Variants in CENPE observed in about 807,000 individuals in gnomAD.
CENPE encodes the protein centromere protein E, also known as centromere-associated protein E.
A neutral mutation model predicts 336.1 loss-of-function variants in CENPE; 145 were observed. The ratio of observed to expected loss-of-function variants is 0.43; its 90% CI spans 0.38 to 0.50. CENPE has a LOEUF of 0.50. Among genes scored for constraint, CENPE ranks in the 20% least tolerant of loss-of-function variants. The pLI is 0.00. For synonymous variants in CENPE, 1,013 were observed against 984.8 expected, an observed-to-expected ratio of 1.03 and a Z score of -0.54; for missense variants, 2,719 against 3,023.3, an observed-to-expected ratio of 0.90 and a Z score of 2.36.
intron 45 of CENPE, 115 bp downstream of exon 45, chr4:103,116,460 AGC>A: frequency 1.9e-6 from 1 of 525,252 alleles, no homozygotes; most frequent in East Asian, 3.4e-5. Flanking sequence ...TTAAAAAAAG[AGC>A]TGTAACAATA....
At chr4:103,185,749 C>T (rs1335075443) in intron 9 of CENPE, 61 bp downstream of exon 9, 5 of 1,138,632 alleles carry the variant, frequency 4.4e-6, no homozygotes, top group Admixed American at 4.5e-5. Context: ...CCTGGTAGTA[C>T]TTTTTAAACC....
intron 16 of CENPE, among the ~76,000 whole-genome samples, chr4:103,169,896 A>C (rs1186607417): frequency 1.3e-5 from 2 of 152,220 alleles, no homozygotes; most frequent in East Asian, 3.8e-4. Context: ...ATGCCCCTCA[A>C]TGATAGACTG....
chr4:103,150,487 G>A (rs1163358980), intron 26 of CENPE, among the ~76,000 whole-genome samples: 1 of 152,056 alleles, frequency 6.6e-6, no homozygotes, highest in Non-Finnish European at 1.5e-5. Context: ...GGAGGCTGAA[G>A]TGGGAGGACA....
chr4:103,191,202 C>A (rs563452498), intron 8 of CENPE, among the ~76,000 whole-genome samples: 2 of 152,288 alleles, frequency 1.3e-5, no homozygotes, highest in South Asian at 2.1e-4. Flanking sequence ...GTTGGTGGGA[C>A]TGTAAACTAC....
Position 103,149,370 on chromosome 4 carries a change from A to G in CENPE, c.3435T>C (p.Asn1145=). The G allele has an allele frequency of 6.3e-7, 1 of 1,581,304 alleles. No homozygotes were observed. Among genetic ancestry groups the G allele is most frequent in the South Asian group, 1.2e-5 (1 of 84,616 alleles). The change falls in exon 27 of 49, where the codon AAT becomes AAC. Residue 1145 remains asparagine, a synonymous_variant. Coordinates refer to ENST00000265148, the MANE Select transcript of CENPE (RefSeq NM_001813.3). ...GCATCTCACTCATCTCTTCTTGTAC[A>G]TTAAGAAGTTGTTGCTGTTTTTCTT... ...QLQEKQQQLL[N]VQEEMSEMQK... is the part of the protein sequence containing the mutation.
rs1372500385 is a variant in CENPE at position 103,106,177 on chromosome 4, C to T, written c.*45G>A. 2 of 1,327,280 alleles carry T rather than the reference C, an allele frequency of 1.5e-6. No homozygotes were observed. The highest frequency in any genetic ancestry group is 5.0e-5 in the East Asian group (2 of 40,280). 82.2% of individuals were successfully genotyped at this position (1,327,280 alleles called of 1,614,324 possible). On this transcript the variant is annotated 3_prime_UTR_variant, in exon 49 of 49. Transcript: ENST00000265148. The stretch of plus-strand genomic sequence containing the variant: ...GATAGACACATAAACAAAGTCATTT[C>T]CAAATAAGGAATGCTGGATCTCCAG...
chr4:103,140,778 A>C (rs778251563), intron 36 of CENPE, 36 bp downstream of exon 36: 3 of 1,525,214 alleles, frequency 2.0e-6, no homozygotes, highest in Non-Finnish European at 2.6e-6. Flanking sequence ...CAAATATGTG[A>C]ATATAATGGT....
At position 103,198,336 on chromosome 4, in the gene CENPE, G is replaced by A. The variant is rs1447072513; in HGVS notation, c.-17C>T. 3.2e-6 allele frequency: 5 copies of A among 1,550,952 alleles called. No individual in the cohort carries two copies. The highest frequency in any genetic ancestry group is 4.4e-6 in the Non-Finnish European group (5 of 1,146,700). The stretch of plus-strand genomic sequence containing the variant: ...CTCCGCCATCCTATCAGGCTGAACT[G>A]GTCCCAGGAAAATGGCCAGGACCCT... On this transcript the variant is annotated 5_prime_UTR_variant, in exon 1 of 49. Transcript: ENST00000265148.
At chr4:103,189,964 G>A (rs1578692366) in intron 8 of CENPE, among the ~76,000 whole-genome samples, 2 of 152,152 alleles carry the variant, frequency 1.3e-5, no homozygotes. Context: ...CAAAATCAAT[G>A]TGCAAAAATC....
chr4:103,130,502 T>C (rs185819809), intron 42 of CENPE, among the ~76,000 whole-genome samples: 125 of 152,116 alleles, frequency 8.2e-4, no homozygotes, highest in African/African-American at 2.8e-3. Context: ...CAAACTCTTA[T>C]AAAAAAATAA....
Position 103,139,776 on chromosome 4 carries a change from A to G in CENPE, c.6204+13T>C, listed in dbSNP as rs1752378955. 1 of 1,587,012 alleles carries G rather than the reference A, an allele frequency of 6.3e-7. No homozygotes were observed. The highest frequency in any genetic ancestry group is 8.6e-7 in the Non-Finnish European group (1 of 1,169,184). Reference sequence around the variant, plus strand: ...ATTAATAGTTACTACACAAAGGAAGACTCTGAACTCACTCTAGCTATCATT... The same window carrying G: ...ATTAATAGTTACTACACAAAGGAAGGCTCTGAACTCACTCTAGCTATCATT... On this transcript the variant is annotated intron_variant, in intron 38 of 48. Coordinates refer to ENST00000265148, the MANE Select transcript of CENPE (RefSeq NM_001813.3).
chr4:103,172,901 T>G (rs932070246), intron 16 of CENPE, among the ~76,000 whole-genome samples: 1 of 151,978 alleles, frequency 6.6e-6, no homozygotes, highest in Non-Finnish European at 1.5e-5. Context: ...GTTCATGGAT[T>G]GGAAGAATAT....
At chr4:103,166,467 C>A (rs1333029044) in intron 16 of CENPE, among the ~76,000 whole-genome samples, 1 of 152,160 alleles carries the variant, frequency 6.6e-6, no homozygotes, top group Non-Finnish European at 1.5e-5. Context: ...CATTAACATG[C>A]ATTTTAAAAC....
At position 103,108,339 on chromosome 4, in the gene CENPE, T is replaced by C. The variant is rs144936993; in HGVS notation, c.8011+464A>G. Reference sequence around the variant, plus strand: ...GATCATGTCTGGTTTTGCTTATCAATGTGCCACCAGGATCTAATCCTTAAC... The same window carrying C: ...GATCATGTCTGGTTTTGCTTATCAACGTGCCACCAGGATCTAATCCTTAAC... On this transcript the variant is annotated intron_variant, in intron 48 of 48. Coordinates refer to ENST00000265148, the MANE Select transcript of CENPE (RefSeq NM_001813.3). 3.4e-3 allele frequency among the ~76,000 whole-genome samples: 523 copies of C among 152,258 alleles called. 3 individuals are homozygous for C. The highest frequency in any genetic ancestry group is 0.011 in the African/African-American group (454 of 41,546).
chr4:103,142,723 G>A (rs1752669256), intron 34 of CENPE, among the ~76,000 whole-genome samples: 1 of 152,050 alleles, frequency 6.6e-6, no homozygotes, highest in Non-Finnish European at 1.5e-5. Context: ...ACTTTAAGAA[G>A]TTGAGGCTGG....
In CENPE at chr4:103,145,287, A is replaced by T; in HGVS notation, c.4620T>A (p.Ile1540=). The change falls in exon 32 of 49, where the codon ATT becomes ATA. Residue 1540 remains isoleucine, a synonymous_variant. Transcript: ENST00000265148. Reference sequence around the variant, plus strand: ...CATTCACTTTTTCCTGAACCTCACTAATTTGTTTTATATTAAATTGTTCCT... The same window carrying T: ...CATTCACTTTTTCCTGAACCTCACTTATTTGTTTTATATTAAATTGTTCCT... ...EKEEQFNIKQ[I]SEVQEKVNEL... 1 of 1,600,058 alleles carries T rather than the reference A, an allele frequency of 6.2e-7. No individual in the cohort carries two copies. The highest frequency in any genetic ancestry group is 8.6e-7 in the Non-Finnish European group (1 of 1,169,540).
intron 8 of CENPE, among the ~76,000 whole-genome samples, chr4:103,187,791 C>A (rs1411384145): frequency 1.3e-5 from 2 of 152,168 alleles, no homozygotes; most frequent in Admixed American, 6.5e-5. Flanking sequence ...CAAATTCACA[C>A]ATAACAATAT....
chr4:103,188,977 C>A (rs1425909883), intron 8 of CENPE, among the ~76,000 whole-genome samples: 6 of 152,194 alleles, frequency 3.9e-5, no homozygotes, highest in Admixed American at 1.3e-4. Flanking sequence ...ACCGATCCCA[C>A]AGAAATACAA....
At chr4:103,186,516 T>C (rs1756782299) in intron 8 of CENPE, among the ~76,000 whole-genome samples, 2 of 152,324 alleles carry the variant, frequency 1.3e-5, no homozygotes, top group South Asian at 4.1e-4. Context: ...ATACCATGAC[T>C]TTACTGTGGC....
Sources: allele counts gnomAD v4.1 joint callset (sites outside exome capture counted in the v4.1 genomes callset), GRCh38; gene constraint gnomAD v4.1.1; transcripts MANE v1.5; gene names NCBI Gene and HGNC (gene_info 2026-07-23, HGNC 2026-07-21).